Variants in IL1RAPL2 observed in about 807,000 individuals in gnomAD.
IL1RAPL2 encodes the protein interleukin 1 receptor accessory protein like 2, also known as X-linked interleukin-1 receptor accessory protein-like 2.
In IL1RAPL2, 3 loss-of-function variants were observed where a neutral mutation model predicts 44.1. The ratio of observed to expected loss-of-function variants is 0.07; its 90% CI spans 0.03 to 0.18. The LOEUF is 0.18. IL1RAPL2 is among the 10% of genes least tolerant of loss of function. IL1RAPL2 has a pLI of 1.00. For missense variants in IL1RAPL2, 391 were observed against 496.4 expected (o/e 0.79, Z 2.02); for synonymous variants, 181 against 178.8 (o/e 1.01, Z -0.10).
intron 2 of IL1RAPL2, among the ~76,000 whole-genome samples, chrX:104,909,895 C>G (rs934756029): frequency 8.9e-6 from 1 of 112,544 alleles, no homozygotes; most frequent in African/African-American, 3.2e-5. Context: ...TTCGAGCTTC[C>G]TGGCTGCTTT....
intron 2 of IL1RAPL2, among the ~76,000 whole-genome samples, chrX:104,851,730 A>G (rs1035309534): frequency 9.0e-6 from 1 of 111,544 alleles, no homozygotes; most frequent in African/African-American, 3.3e-5. Flanking sequence ...GTAATTTACA[A>G]GAAAACAGAC....
chrX:105,708,598 T>A (rs991565123), intron 6 of IL1RAPL2, among the ~76,000 whole-genome samples: 18 of 111,649 alleles, frequency 1.6e-4, no homozygotes, highest in Non-Finnish European at 7.5e-5. Context: ...TGTTCTCAAA[T>A]GACAAAGGTG....
chrX:104,993,805 C>T (rs1384413559), intron 2 of IL1RAPL2, among the ~76,000 whole-genome samples: 1 of 111,665 alleles, frequency 9.0e-6, no homozygotes, highest in Non-Finnish European at 1.9e-5. Flanking sequence ...CAAGATTTCA[C>T]AGCTATTAAG....
chrX:105,710,297 T>C (rs1490796800), intron 6 of IL1RAPL2, among the ~76,000 whole-genome samples: 4 of 108,650 alleles, frequency 3.7e-5, no homozygotes, highest in African/African-American at 1.3e-4. Context: ...CTTCTCAGAT[T>C]AATTAGCTTT....
At chrX:105,568,553 A>G (rs2036991543) in intron 6 of IL1RAPL2, among the ~76,000 whole-genome samples, 1 of 111,890 alleles carries the variant, frequency 8.9e-6, no homozygotes, top group Non-Finnish European at 1.9e-5. Context: ...CTGTCCTGGC[A>G]ATGGGGTATG....
chrX:105,470,827 T>C (rs1057283266), intron 5 of IL1RAPL2, among the ~76,000 whole-genome samples: 9 of 111,803 alleles, frequency 8.0e-5, no homozygotes, highest in African/African-American at 2.9e-4. Flanking sequence ...TATTGCAGAA[T>C]CGAATTTTTG....
At chrX:104,837,228 CT>C (rs997234378) in intron 2 of IL1RAPL2, among the ~76,000 whole-genome samples, 12 of 111,327 alleles carry the variant, frequency 1.1e-4, no homozygotes, top group Non-Finnish European at 1.9e-4. Flanking sequence ...ATTTATATTC[CT>C]TTGGGTACAT....
intron 2 of IL1RAPL2, among the ~76,000 whole-genome samples, chrX:104,980,966 T>C (rs1030506004): frequency 6.3e-5 from 7 of 111,313 alleles, no homozygotes; most frequent in African/African-American, 2.3e-4. Flanking sequence ...TTTCCATTTG[T>C]TTGTGTCATC....
At chrX:105,102,474 A>C (rs2032682834) in intron 2 of IL1RAPL2, among the ~76,000 whole-genome samples, 1 of 111,895 alleles carries the variant, frequency 8.9e-6, no homozygotes, top group African/African-American at 3.3e-5. Context: ...ACTTATATTA[A>C]TCAGGGTTCT....
At chrX:104,958,476 C>T (rs561025887) in intron 2 of IL1RAPL2, among the ~76,000 whole-genome samples, 7 of 104,467 alleles carry the variant, frequency 6.7e-5, no homozygotes, top group East Asian at 3.0e-4. Context: ...ATGTATATCA[C>T]GTGTGAATTA....
At chrX:105,253,055 A>G (rs908503576) in intron 4 of IL1RAPL2, among the ~76,000 whole-genome samples, 1 of 111,690 alleles carries the variant, frequency 9.0e-6, no homozygotes, top group Non-Finnish European at 1.9e-5. Context: ...TCAGATGCTC[A>G]TAGTAGCCCA....
intron 2 of IL1RAPL2, among the ~76,000 whole-genome samples, chrX:105,064,890 A>G (rs1421139600): frequency 2.7e-5 from 3 of 111,343 alleles, no homozygotes; most frequent in Non-Finnish European, 5.7e-5. Flanking sequence ...ATTGAAAAAA[A>G]ATCTCCTCCT....
At chrX:105,610,775 A>T (rs144779081) in intron 6 of IL1RAPL2, among the ~76,000 whole-genome samples, 1,432 of 112,228 alleles carry the variant, frequency 0.013, 22 homozygotes, top group African/African-American at 0.043. Context: ...TGTATAGTAT[A>T]TACTACTTGA....
In IL1RAPL2 at chrX:105,534,301, A is replaced by G. The variant is rs906646833; in HGVS notation, c.772+49914A>G. On this transcript the variant is annotated intron_variant, in intron 6 of 10. Coordinates refer to ENST00000372582, the MANE Select transcript of IL1RAPL2 (RefSeq NM_017416.2). ...TAATTAAGGTAATGCCAAAAAGCAG[A>G]AAGAATGAATAATACTTAGTAATTG... Among the ~76,000 whole-genome samples, 68 of 112,097 alleles carry G rather than the reference A, an allele frequency of 6.1e-4. 1 individual carries two copies. Among genetic ancestry groups the G allele is most frequent in the African/African-American group, 1.9e-3 (59 of 30,939 alleles).
chrX:104,919,605 A>C (rs1281006006), intron 2 of IL1RAPL2, among the ~76,000 whole-genome samples: 5 of 100,544 alleles, frequency 5.0e-5, no homozygotes, highest in African/African-American at 1.9e-4. Flanking sequence ...ATCTTGGCTC[A>C]CTGCAACCTC....
chrX:105,423,702 G>A (rs1275620726), intron 5 of IL1RAPL2, among the ~76,000 whole-genome samples: 2 of 111,185 alleles, frequency 1.8e-5, no homozygotes, highest in East Asian at 5.7e-4. Context: ...TACTTACCTA[G>A]GGATGGTTCT....
intron 4 of IL1RAPL2, among the ~76,000 whole-genome samples, chrX:105,242,898 G>A (rs1223096626): frequency 1.8e-5 from 2 of 110,346 alleles, no homozygotes; most frequent in African/African-American, 3.3e-5. Flanking sequence ...TCAGGAGTTC[G>A]AGACCAGCCT....
At chrX:105,643,770 T>C (rs1189353672) in intron 6 of IL1RAPL2, among the ~76,000 whole-genome samples, 1 of 112,296 alleles carries the variant, frequency 8.9e-6, no homozygotes, top group Non-Finnish European at 1.9e-5. Context: ...GAGAGTGCCA[T>C]GTATGCTGGT....
At chrX:104,816,021 G>C (rs1021801574) in intron 2 of IL1RAPL2, among the ~76,000 whole-genome samples, 3 of 111,164 alleles carry the variant, frequency 2.7e-5, no homozygotes, top group Non-Finnish European at 1.9e-5. Context: ...TAAGTTTAAA[G>C]ATAATATTTT....
Sources: gnomAD v4.1 joint callset for allele counts (sites outside exome capture counted in the v4.1 genomes callset) on GRCh38, gnomAD v4.1.1 for gene constraint, MANE v1.5 for transcripts, NCBI Gene and HGNC (gene_info 2026-07-23, HGNC 2026-07-21) for gene names.